RNF212B: variants seen among roughly 807,000 people sequenced by gnomAD.
RNF212B encodes ring finger protein 212B.
RNF212B carries 52 observed loss-of-function variants against 55.5 expected under a neutral mutation model. The observed-to-expected ratio is 0.94, with a 90% CI of 0.75 to 1.18. The LOEUF (loss-of-function observed/expected upper bound fraction) is 1.18. RNF212B is among the 50% of genes most tolerant of loss of function. The pLI is 0.00. For synonymous variants in RNF212B, 99 were observed against 121.4 expected (o/e 0.82, Z 1.21); for missense variants, 289 against 350.4 (o/e 0.82, Z 1.40).
At chr14:23,262,876 G>A in intron 8 of RNF212B, 52 bp from the exon 9 acceptor site, 1 of 1,525,758 alleles carries the variant, frequency 6.6e-7, no homozygotes, top group African/African-American at 1.4e-5. Context: ...GCCAGGCAAG[G>A]CAGGCATACC....
chr14:23,219,160 A>G (rs1881340801), intron 2 of RNF212B, among the ~76,000 whole-genome samples: 1 of 152,216 alleles, frequency 6.6e-6, no homozygotes, highest in Non-Finnish European at 1.5e-5. Context: ...GATTTCATTA[A>G]CACCAGAACT....
intron 2 of RNF212B, among the ~76,000 whole-genome samples, chr14:23,223,010 C>A (rs1039222741): frequency 6.9e-6 from 1 of 144,732 alleles, no homozygotes; most frequent in Non-Finnish European, 1.5e-5. Flanking sequence ...GCCAAAATTG[C>A]GCCATTGAAC....
At chr14:23,261,100 A>G (rs7150951) in intron 7 of RNF212B, among the ~76,000 whole-genome samples, 60,559 of 152,004 alleles carry the variant, frequency 0.4, 12,163 homozygotes, top group East Asian at 0.42. Flanking sequence ...GGCTGGAACC[A>G]GACCTCACAT....
intron 11 of RNF212B, among the ~76,000 whole-genome samples, chr14:23,265,862 T>A (rs1176057319): frequency 6.6e-6 from 1 of 152,238 alleles, no homozygotes; most frequent in East Asian, 1.9e-4. Context: ...TGATTTGAGA[T>A]CTTTTTTACT....
At chr14:23,235,346 A>G (rs1883025814), upstream of RNF212B, among the ~76,000 whole-genome samples, 1 of 152,184 alleles carries the variant, frequency 6.6e-6, no homozygotes, top group South Asian at 2.1e-4. Flanking sequence ...GGAGACGCCC[A>G]TCTCTTAAAA....
chr14:23,230,438 A>C (rs1882495284), intron 2 of RNF212B, among the ~76,000 whole-genome samples: 2 of 152,122 alleles, frequency 1.3e-5, no homozygotes, highest in South Asian at 4.2e-4. Context: ...GTGGATCACG[A>C]GGTCAAGAGA....
chr14:23,262,007 C>CTA (rs1391849263), intron 7 of RNF212B, among the ~76,000 whole-genome samples: 3 of 151,530 alleles, frequency 2.0e-5, no homozygotes, highest in Admixed American at 6.6e-5. Flanking sequence ...AAAACTCTCT[C>CTA]TATATATACA....
At chr14:23,195,520 A>G (rs1337109515) in intron 2 of RNF212B, among the ~76,000 whole-genome samples, 4 of 152,066 alleles carry the variant, frequency 2.6e-5, no homozygotes, top group Non-Finnish European at 5.9e-5. Flanking sequence ...CTCTTCCTTC[A>G]TTATAGTCTC....
intron 2 of RNF212B, among the ~76,000 whole-genome samples, chr14:23,216,041 C>T (rs879872536): frequency 1.1e-4 from 17 of 150,276 alleles, no homozygotes; most frequent in Admixed American, 2.7e-4. Flanking sequence ...ATCAGGAGAT[C>T]GAGACCATCC....
At chr14:23,191,705 G>A (rs149189565) in intron 1 of RNF212B, among the ~76,000 whole-genome samples, 200 of 152,214 alleles carry the variant, frequency 1.3e-3, no homozygotes, top group Non-Finnish European at 2.0e-3. Flanking sequence ...GGGATGATGG[G>A]TAATAGTCCA....
At chr14:23,243,563 G>T (rs889105998) in intron 3 of RNF212B, among the ~76,000 whole-genome samples, 1 of 151,628 alleles carries the variant, frequency 6.6e-6, no homozygotes, top group African/African-American at 2.4e-5. Flanking sequence ...AGGCGTGGTG[G>T]TGCGGGCCTG....
chr14:23,250,138 A>G (rs1467588876), intron 4 of RNF212B, among the ~76,000 whole-genome samples: 1 of 152,204 alleles, frequency 6.6e-6, no homozygotes, highest in Non-Finnish European at 1.5e-5. Context: ...TTTACAGACC[A>G]TATACTTTCA....
intron 2 of RNF212B, among the ~76,000 whole-genome samples, chr14:23,219,911 C>T (rs542501092): frequency 2.8e-4 from 43 of 152,130 alleles, no homozygotes; most frequent in Non-Finnish European, 3.7e-4. Context: ...GGCCTGGGCA[C>T]GGTGGCTCAC....
Position 23,273,435 on chromosome 14 carries a change from A to C in RNF212B, c.*544A>C, listed in dbSNP as rs1228883088. On this transcript the variant is annotated 3_prime_UTR_variant, in exon 15 of 15. Transcript: ENST00000430154. ...TGGAGACACTGATTTTCAGCTTAGT[A>C]TATAGATAGTAAAATAAAGACGATG... 1 of 152,330 alleles carries C rather than the reference A, an allele frequency of 6.6e-6. No individual in the cohort carries two copies. The highest frequency in any genetic ancestry group is 1.5e-5 in the Non-Finnish European group (1 of 68,122). 9.4% of individuals were successfully genotyped at this position (152,330 alleles called of 1,614,324 possible).
chr14:23,219,455 C>A (rs545046872), intron 2 of RNF212B, among the ~76,000 whole-genome samples: 1 of 149,850 alleles, frequency 6.7e-6, no homozygotes. Context: ...TGAAGTGTAG[C>A]GCTCTCCTTC....
chr14:23,263,102 T>C (rs1885421438), intron 9 of RNF212B, 132 bp downstream of exon 9: 3 of 766,274 alleles, frequency 3.9e-6, no homozygotes, highest in Non-Finnish European at 6.5e-6. Context: ...TTTTTTTTTT[T>C]CCCTAAGCCA....
chr14:23,260,843 A>G (rs1211373506), intron 7 of RNF212B, among the ~76,000 whole-genome samples, 156 bp downstream of exon 7: 2 of 152,210 alleles, frequency 1.3e-5, no homozygotes, highest in African/African-American at 4.8e-5. Context: ...GCCGAAGTAA[A>G]ATCTTAATTG....
chr14:23,236,988 G>A (rs1883157151), upstream of RNF212B, among the ~76,000 whole-genome samples: 4 of 144,154 alleles, frequency 2.8e-5, no homozygotes, highest in Middle Eastern at 6.8e-3. Flanking sequence ...GTTTGAGGCA[G>A]TGTCTTGCTC....
At chr14:23,200,031 T>A (rs1472249127) in intron 2 of RNF212B, among the ~76,000 whole-genome samples, 2 of 146,980 alleles carry the variant, frequency 1.4e-5, no homozygotes, top group Admixed American at 6.7e-5. Context: ...AAAAAAAAAA[T>A]TAGGCAAGAC....
Sources: gnomAD v4.1 joint callset for allele counts (sites outside exome capture counted in the v4.1 genomes callset) on GRCh38, gnomAD v4.1.1 for gene constraint, MANE v1.5 for transcripts, NCBI Gene and HGNC (gene_info 2026-07-23, HGNC 2026-07-21) for gene names.